CEP55: variants seen among roughly 807,000 people sequenced by gnomAD.
CEP55 encodes the protein centrosomal protein of 55 kDa.
In CEP55, 57 loss-of-function variants were observed where a neutral mutation model predicts 63.2. That is an observed-to-expected ratio of 0.90 (90% CI 0.73 to 1.13). The LOEUF is 1.13. Among genes scored for constraint, CEP55 ranks in the 50% most tolerant of loss-of-function variants. CEP55 has a pLI of 0.00. For missense variants in CEP55, 456 were observed against 518.9 expected, an observed-to-expected ratio of 0.88 and a Z score of 1.18; for synonymous variants, 178 against 191.6, an observed-to-expected ratio of 0.93 and a Z score of 0.59.
In CEP55 at chr10:93,528,490, A is replaced by G. The variant is rs940508657; in HGVS notation, c.*337A>G. The G allele has an allele frequency of 6.5e-6, 1 of 154,432 alleles. No homozygotes were observed. The highest frequency in any genetic ancestry group is 9.8e-5 in the Admixed American group (1 of 10,186). 9.6% of individuals were successfully genotyped at this position (154,432 alleles called of 1,614,324 possible). A position where few individuals can be genotyped will look rare whatever the true frequency, so the allele number is the denominator to read the frequency against. The stretch of plus-strand genomic sequence containing the variant: ...AATGCACCAGCAAGCAAAATATTTT[A>G]TGTTTTGGGGGTTTTGAAAAATCAA... On this transcript the variant is annotated 3_prime_UTR_variant, in exon 9 of 9. Transcript: ENST00000371485.
At chr10:93,497,751 AGAG>A (rs2057587915) in intron 1 of CEP55, among the ~76,000 whole-genome samples, 1 of 152,050 alleles carries the variant, frequency 6.6e-6, no homozygotes. Flanking sequence ...TCGTTTGTTA[AGAG>A]TTCACAGAGG....
intron 4 of CEP55, among the ~76,000 whole-genome samples, chr10:93,512,443 G>A (rs1376025489): frequency 6.6e-6 from 1 of 150,552 alleles, no homozygotes; most frequent in Non-Finnish European, 1.5e-5. Flanking sequence ...GAACCCGGGA[G>A]GTGGAGGTTG....
At chr10:93,518,988 T>G in intron 7 of CEP55, 40 bp downstream of exon 7, 3 of 1,499,108 alleles carry the variant, frequency 2.0e-6, no homozygotes, top group Non-Finnish European at 2.8e-6. Context: ...TTCTGCCTGT[T>G]AGAAAATGCA....
intron 4 of CEP55, among the ~76,000 whole-genome samples, chr10:93,514,099 A>G (rs550127692): frequency 9.6e-4 from 146 of 152,114 alleles, no homozygotes; most frequent in Non-Finnish European, 1.9e-3. Context: ...ACGTGCCACC[A>G]TGCCCGGCTA....
intron 5 of CEP55, among the ~76,000 whole-genome samples, chr10:93,515,856 A>C (rs1367997701): frequency 6.6e-6 from 1 of 152,126 alleles, no homozygotes; most frequent in Non-Finnish European, 1.5e-5. Flanking sequence ...TACTTCCCCC[A>C]GAGTTGGCCT....
At chr10:93,512,260 C>T (rs2057759965) in intron 4 of CEP55, among the ~76,000 whole-genome samples, 1 of 148,650 alleles carries the variant, frequency 6.7e-6, no homozygotes, top group Admixed American at 6.7e-5. Context: ...CTCAGTGGCT[C>T]ATGCCTGCAA....
intron 3 of CEP55, among the ~76,000 whole-genome samples, chr10:93,504,397 C>T (rs561492836): frequency 5.3e-5 from 8 of 151,628 alleles, no homozygotes; most frequent in Non-Finnish European, 8.8e-5. Context: ...CGCTTGAACC[C>T]GAAAGGTGGA....
intron 8 of CEP55, among the ~76,000 whole-genome samples, chr10:93,525,974 C>T (rs980392783): frequency 1.2e-4 from 19 of 152,212 alleles, no homozygotes; most frequent in African/African-American, 4.6e-4. Flanking sequence ...GACCTAAAAC[C>T]ATAAAAACCC....
At chr10:93,507,104 T>C (rs374592572) in intron 4 of CEP55, 48 bp downstream of exon 4, 36 of 1,095,702 alleles carry the variant, frequency 3.3e-5, no homozygotes, top group Non-Finnish European at 4.6e-5. Flanking sequence ...CTAATTCATT[T>C]ATTCTTAAGT....
At chr10:93,515,379 T>C (rs746799690) in intron 4 of CEP55, 26 bp from the exon 5 acceptor site, 1 of 1,562,382 alleles carries the variant, frequency 6.4e-7, no homozygotes, top group South Asian at 1.1e-5. Flanking sequence ...ATTTTACTGT[T>C]GATTTTCTTT....
At chr10:93,526,625 A>C (rs2057925332) in intron 8 of CEP55, among the ~76,000 whole-genome samples, 1 of 152,242 alleles carries the variant, frequency 6.6e-6, no homozygotes, top group African/African-American at 2.4e-5. Flanking sequence ...CTATAAAGAC[A>C]CATGCACACG....
intron 4 of CEP55, among the ~76,000 whole-genome samples, chr10:93,510,128 G>A (rs1292494672): frequency 2.0e-5 from 3 of 152,168 alleles, no homozygotes; most frequent in East Asian, 1.9e-4. Flanking sequence ...CGCTCTGGCC[G>A]ACAGTTGAAA....
At chr10:93,526,591 C>A (rs2057924890) in intron 8 of CEP55, among the ~76,000 whole-genome samples, 1 of 152,244 alleles carries the variant, frequency 6.6e-6, no homozygotes, top group South Asian at 2.1e-4. Flanking sequence ...TGGGTATATA[C>A]CCAAAGGAGT....
At chr10:93,511,308 A>G (rs2057745762) in intron 4 of CEP55, among the ~76,000 whole-genome samples, 1 of 152,138 alleles carries the variant, frequency 6.6e-6, no homozygotes, top group Admixed American at 6.6e-5. Context: ...AAATTGTTAA[A>G]TGCATGCCTA....
intron 7 of CEP55, 68 bp from the exon 8 acceptor site, chr10:93,519,614 G>T: frequency 6.5e-7 from 1 of 1,534,536 alleles, no homozygotes; most frequent in Non-Finnish European, 8.8e-7. Flanking sequence ...AAAAAAATGT[G>T]AGCATCCAGT....
intron 3 of CEP55, among the ~76,000 whole-genome samples, chr10:93,505,473 G>A (rs1295187075): frequency 6.6e-6 from 1 of 152,112 alleles, no homozygotes; most frequent in Admixed American, 6.6e-5. Flanking sequence ...CATTCCACTG[G>A]AACATGGCTC....
At chr10:93,511,235 G>A (rs182140688) in intron 4 of CEP55, among the ~76,000 whole-genome samples, 98 of 151,950 alleles carry the variant, frequency 6.4e-4, no homozygotes, top group African/African-American at 2.1e-3. Flanking sequence ...CACCATGCCC[G>A]GACTCCACAG....
At chr10:93,521,121 C>T (rs77288095) in intron 8 of CEP55, among the ~76,000 whole-genome samples, 4,134 of 152,090 alleles carry the variant, frequency 0.027, 154 homozygotes, top group African/African-American at 0.081. Flanking sequence ...TGCAGCGCAC[C>T]GAGCGTGAAC....
rs763836577 is a variant in CEP55 at position 93,503,173 on chromosome 10, A to C, written c.244A>C (p.Lys82Gln). The C allele has an allele frequency of 5.6e-6, 9 of 1,614,196 alleles. No homozygotes were observed. The highest frequency in any genetic ancestry group is 5.1e-6 in the Non-Finnish European group (6 of 1,180,016). The stretch of plus-strand genomic sequence containing the variant: ...TGCTTATCAACTCACAGAGAAGGAC[A>C]AAGAAATACAGCGACTGAGAGACCA... ...KNAYQLTEKD[K>Q]EIQRLRDQLK... The change falls in exon 3 of 9, where the codon AAA becomes CAA. Residue 82 changes from lysine to glutamine, a missense_variant. Physicochemically the swap from Lys to Gln is moderately conservative, Grantham distance 53. Coordinates refer to ENST00000371485, the MANE Select transcript of CEP55 (RefSeq NM_018131.5).
Sources: gnomAD v4.1 joint callset for allele counts (sites outside exome capture counted in the v4.1 genomes callset) on GRCh38, gnomAD v4.1.1 for gene constraint, MANE v1.5 for transcripts, NCBI Gene and HGNC (gene_info 2026-07-23, HGNC 2026-07-21) for gene names.